The following INPP5A variants were observed in gnomAD, a reference collection of about 807,000 sequenced individuals.
The protein encoded by INPP5A is inositol polyphosphate-5-phosphatase A, also known as 43 kDa inositol polyphosphate 5-phophatase.
In INPP5A, 14 loss-of-function variants were observed where a neutral mutation model predicts 65.2. The ratio of observed to expected loss-of-function variants is 0.21; its 90% CI spans 0.14 to 0.34. The LOEUF is 0.34. INPP5A is among the 10% of genes least tolerant of loss of function. The probability of loss-of-function intolerance (pLI) is 1.00; values close to 1 mark genes in which losing one functional copy is unlikely to be tolerated. For synonymous variants in INPP5A, 207 were observed against 208.3 expected (o/e 0.99, Z 0.05); for missense variants, 431 against 545.6 (o/e 0.79, Z 2.09).
intron 8 of INPP5A, 136 bp downstream of exon 8, chr10:132,710,592 T>G (rs1845618286): frequency 8.1e-7 from 1 of 1,227,428 alleles, no homozygotes; most frequent in Admixed American, 2.2e-5. Context: ...GTAGGTGGGG[T>G]GGACAGGTCA....
rs1213859120 is a variant in INPP5A, at chr10:132,549,136, G to A, written c.75+10965G>A. Among the ~76,000 whole-genome samples the A allele has an allele frequency of 1.3e-5, 2 of 152,322 alleles. No individual in the cohort carries two copies. The highest frequency in any genetic ancestry group is 1.9e-4 in the East Asian group (1 of 5,178). ...GGCTGAGCAGTGTCCCCTGAGTGGAGGCATACCTCGTTTCTCCAGTCGCCC... is the reference window on the plus strand; with the variant it reads ...GGCTGAGCAGTGTCCCCTGAGTGGAAGCATACCTCGTTTCTCCAGTCGCCC... On this transcript the variant is annotated intron_variant, in intron 1 of 15. Transcript: ENST00000368594. This position sits in a 1 kb window ranked among gnomAD's most constrained non-coding sequence, Gnocchi z 4.9.
intron 2 of INPP5A, among the ~76,000 whole-genome samples, chr10:132,624,479 C>T (rs560372853): frequency 6.9e-5 from 9 of 130,990 alleles, no homozygotes; most frequent in Admixed American, 2.1e-4. Flanking sequence ...CACTTCCCAC[C>T]GGCGTGTCTG....
In INPP5A at chr10:132,725,490, A is replaced by G. The variant is rs138705333; in HGVS notation, c.648-1331A>G. 2.3e-3 allele frequency among the ~76,000 whole-genome samples: 356 copies of G among 152,342 alleles called. 1 individual carries two copies. The highest frequency in any genetic ancestry group is 3.4e-3 in the Middle Eastern group (1 of 294). ...CATAAGAACTGGGAAGCGGGAGACC[A>G]TCTGCTCACTTGGGGATTCTTCTAC... On this transcript the variant is annotated intron_variant, in intron 8 of 15. Transcript: ENST00000368594.
chr10:132,731,871 A>G (rs1041437113), intron 9 of INPP5A, among the ~76,000 whole-genome samples: 5 of 152,208 alleles, frequency 3.3e-5, no homozygotes, highest in Admixed American at 1.3e-4. Flanking sequence ...TCTGTCTGCA[A>G]AGGTCCCTTC....
rs1026602977 is a variant in INPP5A at position 132,659,416 on chromosome 10, G to C, written c.306+8911G>C. Among the ~76,000 whole-genome samples, 1 of 152,188 alleles carries C rather than the reference G, an allele frequency of 6.6e-6. No individual in the cohort carries two copies. Among genetic ancestry groups the C allele is most frequent in the African/African-American group, 2.4e-5 (1 of 41,434 alleles). ...AGCTCTGGGTGAGGCGGGAGTGGTG[G>C]GCAGTGCTGGCCATGAGGTCCCTGT... On this transcript the variant is annotated intron_variant, in intron 4 of 15. Coordinates refer to ENST00000368594, the MANE Select transcript of INPP5A (RefSeq NM_005539.5). The surrounding 1 kb of genome is among the most constrained non-coding windows in gnomAD (Gnocchi z 5.5).
At chr10:132,677,426 G>A (rs2072981279) in intron 4 of INPP5A, among the ~76,000 whole-genome samples, 1 of 152,236 alleles carries the variant, frequency 6.6e-6, no homozygotes, top group South Asian at 2.1e-4. Flanking sequence ...GTGCATATTT[G>A]TGGAATGTGA....
At chr10:132,552,587 T>C in intron 1 of INPP5A, among the ~76,000 whole-genome samples, 1 of 136,076 alleles carries the variant, frequency 7.3e-6, no homozygotes, top group Non-Finnish European at 1.6e-5. Context: ...GGTGAATGCC[T>C]TCTCAGAGCC....
At chr10:132,565,003 G>A (rs551725360) in intron 1 of INPP5A, among the ~76,000 whole-genome samples, 1 of 152,220 alleles carries the variant, frequency 6.6e-6, no homozygotes, top group African/African-American at 2.4e-5. Context: ...CATTCACAGC[G>A]CTGCTTTACG....
chr10:132,744,481 A>G (rs1317030097), intron 9 of INPP5A, among the ~76,000 whole-genome samples: 5 of 152,160 alleles, frequency 3.3e-5, no homozygotes, highest in Admixed American at 2.0e-4. Flanking sequence ...CATCCCGTTC[A>G]TGGTGGGATA....
chr10:132,749,373 T>C (rs1846429815), intron 9 of INPP5A, 144 bp from the exon 10 acceptor site: 1 of 687,954 alleles, frequency 1.5e-6, no homozygotes. Context: ...GAGTGGCCCC[T>C]GACCCCAGGT....
In INPP5A at chr10:132,676,772, C is replaced by T. The variant is rs2072969700; in HGVS notation, c.307-13620C>T. Reference sequence around the variant, plus strand: ...CTCCTGTTTCCCCCGTGGCTCCTTGCCCCACTGACTGCTGGCTCTCACCTG... The same window carrying T: ...CTCCTGTTTCCCCCGTGGCTCCTTGTCCCACTGACTGCTGGCTCTCACCTG... On this transcript the variant is annotated intron_variant, in intron 4 of 15. Transcript: ENST00000368594. The surrounding 1 kb of genome is among the most constrained non-coding windows in gnomAD (Gnocchi z 4.0). Among the ~76,000 whole-genome samples, 1 of 152,194 alleles carries T rather than the reference C, an allele frequency of 6.6e-6. No homozygotes were observed.
chr10:132,756,102 A>G (rs1322536363), intron 11 of INPP5A, among the ~76,000 whole-genome samples: 2 of 152,144 alleles, frequency 1.3e-5, no homozygotes, highest in Non-Finnish European at 2.9e-5. Flanking sequence ...ATGGCAACAC[A>G]CTCAGAATCC....
At chr10:132,723,037 T>C (rs1409670938) in intron 8 of INPP5A, among the ~76,000 whole-genome samples, 1 of 152,206 alleles carries the variant, frequency 6.6e-6, no homozygotes, top group Admixed American at 6.5e-5. Flanking sequence ...GTGCACCCTT[T>C]AGAGGCAGCT....
chr10:132,665,003 CT>C (rs1426971209), intron 4 of INPP5A, among the ~76,000 whole-genome samples: 4 of 152,202 alleles, frequency 2.6e-5, no homozygotes, highest in Admixed American at 1.3e-4. Context: ...CTGCCCCTGC[CT>C]GCCCAGAACT....
rs113644501 is a variant in INPP5A at position 132,775,027 on chromosome 10, G to C, written c.978-2644G>C. On this transcript the variant is annotated intron_variant, in intron 12 of 15. Coordinates refer to ENST00000368594, the MANE Select transcript of INPP5A (RefSeq NM_005539.5). ...GGGCAGAGAGGAGGGGCAGGGAGGA[G>C]GGGCAGGGAGGAGGGGGGGCAGGGA... Among the ~76,000 whole-genome samples, 2 of 10,700 alleles carry C rather than the reference G, an allele frequency of 1.9e-4. 1 individual carries two copies. Among genetic ancestry groups the C allele is most frequent in the East Asian group, 7.5e-3 (2 of 268 alleles). 7.0% of individuals were successfully genotyped at this position (10,700 alleles called of 152,430 possible).
chr10:132,567,264 C>G (rs370763088), intron 1 of INPP5A, among the ~76,000 whole-genome samples: 10 of 152,282 alleles, frequency 6.6e-5, no homozygotes, highest in Admixed American at 2.6e-4. Context: ...GCAAAAATAC[C>G]CAAACAACCA....
intron 12 of INPP5A, among the ~76,000 whole-genome samples, chr10:132,766,160 G>A (rs537852229): frequency 3.9e-5 from 6 of 152,168 alleles, no homozygotes; most frequent in African/African-American, 1.2e-4. Context: ...GTGTGTGCAC[G>A]TGTGTGTTCT....
chr10:132,656,347 C>T (rs893227185), intron 4 of INPP5A, among the ~76,000 whole-genome samples: 2 of 152,236 alleles, frequency 1.3e-5, no homozygotes, highest in South Asian at 4.1e-4. Flanking sequence ...AAAGTTGGAG[C>T]AGAAGGGTTT....
At chr10:132,671,239 A>T (rs977643747) in intron 4 of INPP5A, among the ~76,000 whole-genome samples, 1 of 152,038 alleles carries the variant, frequency 6.6e-6, no homozygotes, top group Non-Finnish European at 1.5e-5. Flanking sequence ...GGGCCCCTGG[A>T]GCCGTGGCCT....
Sources: gnomAD v4.1 joint callset for allele counts (sites outside exome capture counted in the v4.1 genomes callset) on GRCh38, gnomAD v4.1.1 for gene constraint, Gnocchi (gnomAD v3.1) non-coding constraint, MANE v1.5 for transcripts, NCBI Gene and HGNC (gene_info 2026-07-23, HGNC 2026-07-21) for gene names.